CFAP20DC: variants seen among roughly 807,000 people sequenced by gnomAD.
CFAP20DC encodes the protein CFAP20 domain containing, also known as protein CFAP20DC.
Under a neutral mutation model 101.7 loss-of-function variants are expected in CFAP20DC, and 84 were observed. The ratio of observed to expected loss-of-function variants is 0.83; its 90% CI spans 0.69 to 0.99. CFAP20DC has a LOEUF of 0.99. Among genes scored for constraint, CFAP20DC ranks in the 50% least tolerant of loss-of-function variants. CFAP20DC has a pLI of 0.00. For synonymous variants in CFAP20DC, 359 were observed against 351.2 expected, an observed-to-expected ratio of 1.02 and a Z score of -0.25; for missense variants, 1,007 against 970.3, an observed-to-expected ratio of 1.04 and a Z score of -0.50.
At chr3:58,979,155 G>A (rs886332298) in intron 4 of CFAP20DC, among the ~76,000 whole-genome samples, 1 of 152,288 alleles carries the variant, frequency 6.6e-6, no homozygotes, top group African/African-American at 2.4e-5. Context: ...AACCTGGCCT[G>A]CAAGTGAAAG....
chr3:58,953,459 GAC>G (rs2090337599), intron 4 of CFAP20DC: 1 of 152,206 alleles, frequency 6.6e-6, no homozygotes, highest in African/African-American at 2.4e-5. Context: ...CCCAGCTTAA[GAC>G]AGAGATATTA....
intron 4 of CFAP20DC, among the ~76,000 whole-genome samples, chr3:58,948,385 T>G (rs1474395894): frequency 6.6e-6 from 1 of 152,240 alleles, no homozygotes; most frequent in East Asian, 1.9e-4. Context: ...CATTTTTTAT[T>G]GACTTGCTAC....
chr3:58,834,246 A>T (rs556313556), intron 13 of CFAP20DC, among the ~76,000 whole-genome samples: 1 of 152,318 alleles, frequency 6.6e-6, no homozygotes, highest in South Asian at 2.1e-4. Flanking sequence ...AGATGTGCAC[A>T]TGAGAATACC....
chr3:58,900,196 A>G (rs1204804026), intron 6 of CFAP20DC, among the ~76,000 whole-genome samples: 1 of 152,222 alleles, frequency 6.6e-6, no homozygotes, highest in African/African-American at 2.4e-5. Context: ...GAACTGAGAT[A>G]AAGTTCTGCC....
At chr3:58,845,595 C>T (rs925544606) in intron 13 of CFAP20DC, among the ~76,000 whole-genome samples, 32 of 152,284 alleles carry the variant, frequency 2.1e-4, no homozygotes, top group African/African-American at 7.7e-4. Context: ...CAAGGAGGAA[C>T]TGGTACCTTT....
intron 14 of CFAP20DC, among the ~76,000 whole-genome samples, chr3:58,810,125 C>A (rs1319582300): frequency 1.3e-5 from 2 of 152,132 alleles, no homozygotes; most frequent in African/African-American, 4.8e-5. Flanking sequence ...ATCAGAGGTA[C>A]AAGGAGGAAC....
At chr3:58,982,639 T>A (rs988945763) in intron 4 of CFAP20DC, among the ~76,000 whole-genome samples, 14 of 138,932 alleles carry the variant, frequency 1.0e-4, no homozygotes, top group African/African-American at 3.5e-4. Context: ...TTCTCACTCA[T>A]AGGCGGGAAT....
intron 4 of CFAP20DC, among the ~76,000 whole-genome samples, chr3:58,996,545 TAGAC>T (rs1469609411): frequency 6.6e-6 from 1 of 152,218 alleles, no homozygotes; most frequent in Admixed American, 6.5e-5. Flanking sequence ...TTCCTTTACA[TAGAC>T]AGCCTTTTCA....
intron 3 of CFAP20DC, among the ~76,000 whole-genome samples, chr3:58,733,957 T>G (rs991920246): frequency 6.6e-6 from 1 of 152,230 alleles, no homozygotes; most frequent in African/African-American, 2.4e-5. Flanking sequence ...TGATACGGTT[T>G]TGCTGTGTCC....
chr3:59,022,464 T>C (rs1309788128), intron 4 of CFAP20DC, among the ~76,000 whole-genome samples: 2 of 152,140 alleles, frequency 1.3e-5, no homozygotes, highest in African/African-American at 4.8e-5. Flanking sequence ...ACAGTGAATT[T>C]GTATATTTAT....
At chr3:58,935,717 C>T (rs1012098527) in intron 5 of CFAP20DC, among the ~76,000 whole-genome samples, 373 of 152,252 alleles carry the variant, frequency 2.4e-3, no homozygotes, top group Non-Finnish European at 4.3e-3. Context: ...ACTGGCTAGC[C>T]ATATGTAGAA....
At chr3:58,933,318 T>A (rs574497827) in intron 5 of CFAP20DC, among the ~76,000 whole-genome samples, 1 of 151,344 alleles carries the variant, frequency 6.6e-6, no homozygotes, top group Non-Finnish European at 1.5e-5. Context: ...CACACAATAA[T>A]AATGGGAGAC....
intron 16 of CFAP20DC, among the ~76,000 whole-genome samples, chr3:58,744,891 C>T (rs1259472090): frequency 6.6e-6 from 1 of 152,172 alleles, no homozygotes; most frequent in Non-Finnish European, 1.5e-5. Context: ...TGTAGATGAA[C>T]TGTGCTTAGA....
chr3:58,779,710 G>A (rs2071650608), intron 15 of CFAP20DC, among the ~76,000 whole-genome samples: 1 of 152,102 alleles, frequency 6.6e-6, no homozygotes, highest in Non-Finnish European at 1.5e-5. Context: ...ATGACTTATA[G>A]GACACCATAA....
intron 6 of CFAP20DC, among the ~76,000 whole-genome samples, chr3:58,888,045 T>C (rs2106675398): frequency 6.6e-6 from 1 of 152,322 alleles, no homozygotes; most frequent in East Asian, 1.9e-4. Flanking sequence ...AAATGGAAAT[T>C]CACTCATCTC....
chr3:58,786,250 A>C (rs1387567856), intron 15 of CFAP20DC, among the ~76,000 whole-genome samples: 2 of 152,132 alleles, frequency 1.3e-5, no homozygotes, highest in East Asian at 3.8e-4. Flanking sequence ...TAAGAAAATT[A>C]CTTGAATGCC....
intron 4 of CFAP20DC, among the ~76,000 whole-genome samples, chr3:59,000,762 G>A (rs2093286260): frequency 6.6e-6 from 1 of 152,164 alleles, no homozygotes. Context: ...AGGGATGAGA[G>A]TAGAGTGTGT....
chr3:58,845,803 A>T (rs918177038), intron 13 of CFAP20DC, among the ~76,000 whole-genome samples: 2 of 150,632 alleles, frequency 1.3e-5, no homozygotes, highest in African/African-American at 4.9e-5. Context: ...CACATCAAAA[A>T]GCTTATCCAC....
At chr3:58,954,558 G>A (rs529427845) in intron 4 of CFAP20DC, among the ~76,000 whole-genome samples, 13 of 152,220 alleles carry the variant, frequency 8.5e-5, no homozygotes, top group African/African-American at 3.1e-4. Context: ...AAAACGTTTC[G>A]ATATATATTA....
Sources: allele counts gnomAD v4.1 joint callset (sites outside exome capture counted in the v4.1 genomes callset), GRCh38; gene constraint gnomAD v4.1.1; transcripts MANE v1.5; gene names NCBI Gene and HGNC (gene_info 2026-07-23, HGNC 2026-07-21).